The following C4orf50 variants were observed in gnomAD, a reference collection of about 807,000 sequenced individuals.
The protein encoded by C4orf50 is uncharacterized protein C4orf50.
In C4orf50, 80 loss-of-function variants were observed where a neutral mutation model predicts 77.2. That is an observed-to-expected ratio of 1.04 (90% CI 0.87 to 1.25). The LOEUF (loss-of-function observed/expected upper bound fraction) is 1.25. Ranked by LOEUF, C4orf50 falls within the 50% of genes most tolerant of loss-of-function variation. The pLI is 0.00. For missense variants in C4orf50, 1,257 were observed against 1,152.9 expected (o/e 1.09, Z -1.31); for synonymous variants, 532 against 465.3 (o/e 1.14, Z -1.84).
chr4:5,974,866 C>T (rs769922385), intron 30 of C4orf50, among the ~76,000 whole-genome samples: 5 of 152,062 alleles, frequency 3.3e-5, no homozygotes, highest in South Asian at 2.1e-4. Flanking sequence ...TGGCCGGGTA[C>T]GGTGGCTCAT....
At chr4:5,911,977 C>T (rs369414820) in intron 7 of C4orf50, among the ~76,000 whole-genome samples, 11 of 152,144 alleles carry the variant, frequency 7.2e-5, no homozygotes, top group East Asian at 1.9e-4. Context: ...ACCCCGGAGG[C>T]GGAGGTTGCA....
intron 23 of C4orf50, among the ~76,000 whole-genome samples, chr4:6,012,546 A>G (rs778945145): frequency 2.0e-5 from 3 of 152,006 alleles, no homozygotes; most frequent in Non-Finnish European, 4.4e-5. Context: ...GAAAAAAATT[A>G]ATCTCTGCAT....
intron 7 of C4orf50, among the ~76,000 whole-genome samples, chr4:5,918,117 G>T (rs1717110999): frequency 6.6e-6 from 1 of 152,144 alleles, no homozygotes; most frequent in African/African-American, 2.4e-5. Flanking sequence ...AGAAACAGTA[G>T]GCCCCCCAAA....
exon 29 of C4orf50, chr4:5,980,304 T>G: frequency 1.2e-6 from 2 of 1,612,654 alleles, no homozygotes; most frequent in Non-Finnish European, 8.5e-7. Context: ...CAGCCTGGGA[T>G]CCTCCTCAGT....
rs575440007 is a variant in C4orf50 at position 5,935,966 on chromosome 4, G to A, written c.*2474+20935C>T. ...AAAGTGGATTCTTAACATAATTAAGGTAATGTCTAACTAACTTGGATACGG... is the reference window on the plus strand; with the variant it reads ...AAAGTGGATTCTTAACATAATTAAGATAATGTCTAACTAACTTGGATACGG... On this transcript the variant is annotated intron_variant, in intron 7 of 7. Transcript: ENST00000324058. Among the ~76,000 whole-genome samples, 123 of 152,056 alleles carry A rather than the reference G, an allele frequency of 8.1e-4. 1 individual carries two copies. The highest frequency in any genetic ancestry group is 7.5e-3 in the South Asian group (36 of 4,796).
exon 8 of C4orf50, chr4:5,897,682 A>C (rs926361595): frequency 6.6e-6 from 1 of 152,310 alleles, no homozygotes; most frequent in Middle Eastern, 3.4e-3. Context: ...AGAAAAATAC[A>C]TCTCAGTAAC....
chr4:5,916,054 G>A lies in C4orf50; in HGVS notation c.*2475-17866C>T, dbSNP rs1274904849. On this transcript the variant is annotated intron_variant, in intron 7 of 7. Coordinates refer to the C4orf50 transcript ENST00000324058. The surrounding 1 kb of genome is among the most constrained non-coding windows in gnomAD (Gnocchi z 4.4). ...GGCACAGGAAGGCAAGGCTAGTCCT[G>A]TAACAAGGGATGGGTGTGCAGCTAC... is the stretch of plus-strand genomic sequence containing the variant. 2.0e-5 allele frequency among the ~76,000 whole-genome samples: 3 copies of A among 152,206 alleles called. No homozygotes were observed. In the South Asian group the frequency reaches 6.2e-4, roughly 31 times the overall value.
chr4:5,983,826 C>G (rs1410623662), intron 28 of C4orf50, among the ~76,000 whole-genome samples: 3 of 152,170 alleles, frequency 2.0e-5, no homozygotes, highest in Non-Finnish European at 4.4e-5. Context: ...GACAAAGTAA[C>G]AGGGAAGAGA....
chr4:6,014,582 A>G (rs1400284957), intron 23 of C4orf50, among the ~76,000 whole-genome samples: 2 of 152,238 alleles, frequency 1.3e-5, no homozygotes, highest in Admixed American at 6.5e-5. Context: ...CCCCTGCCCC[A>G]GCTAGACCCA....
rs1186959725 is a variant in C4orf50 at position 5,900,631 on chromosome 4, G to A, written c.*2475-2443C>T. 1 of 152,258 alleles carries A rather than the reference G, an allele frequency of 6.6e-6. No homozygotes were observed. Among genetic ancestry groups the A allele is most frequent in the Admixed American group, 6.5e-5 (1 of 15,288 alleles). The allele number at this position is 152,258 out of a possible 1,614,324, so 9.4% of individuals were successfully genotyped here. A position where few individuals can be genotyped will look rare whatever the true frequency, so the allele number is the denominator to read the frequency against. ...CTAAAATTCTGAATCAGCAGAGCCTGCCCCATGGCACGGTTGGAGAATACT... is the reference window on the plus strand; with the variant it reads ...CTAAAATTCTGAATCAGCAGAGCCTACCCCATGGCACGGTTGGAGAATACT... On this transcript the variant is annotated intron_variant, in intron 7 of 7. Coordinates refer to the C4orf50 transcript ENST00000324058. The surrounding 1 kb of genome is among the most constrained non-coding windows in gnomAD (Gnocchi z 4.3).
At chr4:5,962,002 G>A (rs893241959) in intron 33 of C4orf50, among the ~76,000 whole-genome samples, 5 of 152,164 alleles carry the variant, frequency 3.3e-5, no homozygotes, top group African/African-American at 1.2e-4. Context: ...CAGATACATG[G>A]CTTGCTGTCT....
Position 5,977,405 on chromosome 4 carries a change from C to T in C4orf50, c.3865-1450G>A, listed in dbSNP as rs188413086. Among the ~76,000 whole-genome samples, 683 of 152,318 alleles carry T rather than the reference C, an allele frequency of 4.5e-3. 10 individuals are homozygous for T. Among genetic ancestry groups the T allele is most frequent in the Middle Eastern group, 0.01 (3 of 294 alleles). On this transcript the variant is annotated intron_variant, in intron 29 of 33. Coordinates refer to ENST00000531445, the Ensembl canonical transcript of C4orf50. ...CAGAATGTGTGTATATGAAATTATA[C>T]TGTGCAAAAGGTCTTGCATCTTGCT...
chr4:5,967,248 A>C (rs1392640658), intron 32 of C4orf50, among the ~76,000 whole-genome samples, 166 bp downstream of exon 10: 2 of 152,204 alleles, frequency 1.3e-5, no homozygotes, highest in East Asian at 3.9e-4. Context: ...GTGAAATAGG[A>C]AGGCAATGCC....
At chr4:5,999,758 G>A (rs914534426) in intron 25 of C4orf50, among the ~76,000 whole-genome samples, 1 of 152,192 alleles carries the variant, frequency 6.6e-6, no homozygotes, top group Non-Finnish European at 1.5e-5. Context: ...GGTGGCTCAT[G>A]TCACCTCGGG....
intron 7 of C4orf50, among the ~76,000 whole-genome samples, chr4:5,943,205 G>C (rs550509144): frequency 2.0e-5 from 3 of 152,174 alleles, no homozygotes; most frequent in Admixed American, 6.5e-5. Flanking sequence ...CTACGTGTCC[G>C]TTAGGCACCC....
At chr4:5,998,132 G>A (rs1025555859) in intron 25 of C4orf50, among the ~76,000 whole-genome samples, 3 of 152,124 alleles carry the variant, frequency 2.0e-5, no homozygotes, top group African/African-American at 7.2e-5. Context: ...CCTTCCAAAG[G>A]GATATGTTCA....
At chr4:5,981,100 A>G (rs1480309526) in intron 28 of C4orf50, among the ~76,000 whole-genome samples, 5 of 152,356 alleles carry the variant, frequency 3.3e-5, no homozygotes, top group Admixed American at 3.3e-4. Flanking sequence ...ACAAGCACAC[A>G]TAAACATACA....
Position 5,959,736 on chromosome 4 carries a change from G to A in C4orf50, c.4276-110C>T, listed in dbSNP as rs536689265. 107 of 1,355,948 alleles carry A rather than the reference G, an allele frequency of 7.9e-5. 1 individual carries two copies. In the South Asian group the frequency reaches 1.3e-3, roughly 16 times the overall value. 84.0% of individuals were successfully genotyped at this position (1,355,948 alleles called of 1,614,324 possible). ...GATGACAGTGATAGCTAACGGTTTC[G>A]GGGCACTTTCTGTGCCTGGCACCAA... On this transcript the variant is annotated intron_variant, in intron 33 of 33. Transcript: ENST00000531445.
At chr4:5,937,896 C>G (rs970631345) in intron 7 of C4orf50, among the ~76,000 whole-genome samples, 1 of 152,140 alleles carries the variant, frequency 6.6e-6, no homozygotes, top group Non-Finnish European at 1.5e-5. Context: ...TACTAGACTG[C>G]ACTAAATATT....
Sources: gnomAD v4.1 joint callset for allele counts (sites outside exome capture counted in the v4.1 genomes callset) on GRCh38, gnomAD v4.1.1 for gene constraint, Gnocchi (gnomAD v3.1) non-coding constraint, MANE v1.5 for transcripts, NCBI Gene and HGNC (gene_info 2026-07-23, HGNC 2026-07-21) for gene names.